The following SYT13 variants were observed in gnomAD, a reference collection of about 807,000 sequenced individuals.
SYT13 encodes the protein synaptotagmin-13.
In SYT13, 21 loss-of-function variants were observed where a neutral mutation model predicts 38.6. The observed-to-expected ratio is 0.54, with a 90% CI of 0.39 to 0.78. SYT13 has a LOEUF of 0.78. Ranked by LOEUF, SYT13 falls within the 30% of genes least tolerant of loss-of-function variation. The pLI, the probability that SYT13 is intolerant of heterozygous loss-of-function variation, is 0.00. For missense variants in SYT13, 495 were observed against 548.7 expected (o/e 0.90, Z 0.98); for synonymous variants, 241 against 237.6 (o/e 1.01, Z -0.13).
intron 1 of SYT13, among the ~76,000 whole-genome samples, chr11:45,262,111 C>A (rs1015830342): frequency 1.3e-5 from 2 of 152,066 alleles, no homozygotes; most frequent in African/African-American, 4.8e-5. Context: ...TGTGGTATAT[C>A]TATATAACGG....
intron 1 of SYT13, among the ~76,000 whole-genome samples, chr11:45,278,133 C>T (rs1312854350): frequency 1.3e-5 from 2 of 152,128 alleles, no homozygotes; most frequent in South Asian, 2.1e-4. Context: ...TTTGTGTGCA[C>T]GTGTGTTGAT....
chr11:45,276,125 C>T (rs180962572), intron 1 of SYT13, among the ~76,000 whole-genome samples: 27 of 152,262 alleles, frequency 1.8e-4, no homozygotes, highest in Middle Eastern at 3.4e-3. Flanking sequence ...TATAAAGACA[C>T]GTGTACATGT....
chr11:45,286,104 G>A lies in SYT13; in HGVS notation c.104C>T (p.Pro35Leu). Residue 35 changes from proline to leucine, a missense_variant, in exon 1 of 6, where the codon CCC becomes CTC. Physicochemically the swap from Pro to Leu is moderately conservative, Grantham distance 98. Transcript: ENST00000020926. The part of the protein sequence containing the change: ...GVTCLCRHMH[P>L]KKGLLPRDQD... ...GTCCCGCGGCAGCAGCCCCTTCTTGGGGTGCATGTGCCGACACAGGCAGGT... is the reference window on the plus strand; with the variant it reads ...GTCCCGCGGCAGCAGCCCCTTCTTGAGGTGCATGTGCCGACACAGGCAGGT... 6.2e-7 allele frequency: 1 copy of A among 1,604,790 alleles called. No homozygotes were observed. The highest frequency in any genetic ancestry group is 8.5e-7 in the Non-Finnish European group (1 of 1,177,602).
At chr11:45,265,238 C>T (rs528232197) in intron 1 of SYT13, among the ~76,000 whole-genome samples, 1 of 152,380 alleles carries the variant, frequency 6.6e-6, no homozygotes, top group African/African-American at 2.4e-5. Context: ...AGACAGCTGT[C>T]TACGCATACA....
Position 45,252,206 on chromosome 11 carries a change from C to T in SYT13, c.846+215G>A, listed in dbSNP as rs985906773. Among the ~76,000 whole-genome samples the T allele has an allele frequency of 6.6e-6, 1 of 152,132 alleles. No individual in the cohort carries two copies. ...GAGTCTTTGCATGGCAAGTTAGAGC[C>T]AAGACTAGGAGCAGACACTAGGAAT... On this transcript the variant is annotated intron_variant, in intron 4 of 5. Transcript: ENST00000020926. This position sits in a 1 kb window ranked among gnomAD's most constrained non-coding sequence, Gnocchi z 4.3.
At position 45,243,965 on chromosome 11, in the gene SYT13, G is replaced by C. The variant is rs1854583002; in HGVS notation, c.*87C>G. On this transcript the variant is annotated 3_prime_UTR_variant, in exon 6 of 6. Coordinates refer to ENST00000020926, the MANE Select transcript of SYT13 (RefSeq NM_020826.3). ...CAAACACATCTGTCACTGTCTTCTG[G>C]GTGTCAGAATGAGGAAAGGGGCACA... is the stretch of plus-strand genomic sequence containing the variant. The C allele has an allele frequency of 1.5e-6, 2 of 1,355,608 alleles. No individual in the cohort carries two copies. The highest frequency in any genetic ancestry group is 4.6e-5 in the East Asian group (2 of 43,040). 84.0% of individuals were successfully genotyped at this position (1,355,608 alleles called of 1,614,324 possible). A position where few individuals can be genotyped will look rare whatever the true frequency, so the allele number is the denominator to read the frequency against.
intron 4 of SYT13, among the ~76,000 whole-genome samples, chr11:45,250,305 A>C (rs1452148747): frequency 6.6e-6 from 1 of 152,238 alleles, no homozygotes; most frequent in African/African-American, 2.4e-5. Context: ...AGGATGGATG[A>C]GCTGCAAGGT....
At chr11:45,281,045 G>A (rs1255359749) in intron 1 of SYT13, among the ~76,000 whole-genome samples, 1 of 151,742 alleles carries the variant, frequency 6.6e-6, no homozygotes, top group Non-Finnish European at 1.5e-5. Context: ...AAATACAAAA[G>A]ATTAGCCGGG....
At chr11:45,285,089 T>C (rs941067286) in intron 1 of SYT13, among the ~76,000 whole-genome samples, 12 of 152,214 alleles carry the variant, frequency 7.9e-5, no homozygotes, top group Admixed American at 7.8e-4. Context: ...CTTTAAGTCA[T>C]GCCCCTGCCC....
chr11:45,259,821 C>T (rs939864412), intron 1 of SYT13, among the ~76,000 whole-genome samples: 12 of 152,172 alleles, frequency 7.9e-5, no homozygotes, highest in Admixed American at 7.9e-4. Flanking sequence ...GCGGGTGGCC[C>T]TGCCTTGTGA....
At chr11:45,272,544 C>G (rs1454432201) in intron 1 of SYT13, among the ~76,000 whole-genome samples, 1 of 152,184 alleles carries the variant, frequency 6.6e-6, no homozygotes, top group East Asian at 1.9e-4. Flanking sequence ...CAAAGCCAGT[C>G]AGTATCATCC....
chr11:45,257,873 T>C (rs1337188045), intron 1 of SYT13, among the ~76,000 whole-genome samples: 1 of 152,224 alleles, frequency 6.6e-6, no homozygotes, highest in Non-Finnish European at 1.5e-5. Context: ...TGCCCCTGCA[T>C]TTCCAAGTGT....
intron 1 of SYT13, chr11:45,258,313 TC>T (rs1679828294): frequency 6.6e-6 from 1 of 152,118 alleles, no homozygotes; most frequent in Non-Finnish European, 1.5e-5. Flanking sequence ...CAAAATCAGG[TC>T]CCCTTTGCAC....
At chr11:45,263,223 G>A (rs10742747) in intron 1 of SYT13, among the ~76,000 whole-genome samples, 112,681 of 152,132 alleles carry the variant, frequency 0.74, 43,658 homozygotes, top group Non-Finnish European at 0.87. Context: ...CAGGTCCTAT[G>A]CTAAGTGTTC....
intron 1 of SYT13, among the ~76,000 whole-genome samples, chr11:45,285,417 G>A (rs1267641043): frequency 2.0e-5 from 3 of 152,136 alleles, no homozygotes; most frequent in East Asian, 3.9e-4. Context: ...GCTGCTAGGG[G>A]GTGGGGAAGA....
At chr11:45,272,546 G>A (rs1402640435) in intron 1 of SYT13, among the ~76,000 whole-genome samples, 5 of 152,214 alleles carry the variant, frequency 3.3e-5, no homozygotes, top group Non-Finnish European at 7.3e-5. Context: ...AAGCCAGTCA[G>A]TATCATCCAT....
At chr11:45,265,822 C>T (rs1374484525) in intron 1 of SYT13, among the ~76,000 whole-genome samples, 2 of 152,076 alleles carry the variant, frequency 1.3e-5, no homozygotes, top group Admixed American at 1.3e-4. Flanking sequence ...AATTATCAAC[C>T]CAAAATGTCA....
intron 1 of SYT13, among the ~76,000 whole-genome samples, chr11:45,276,917 A>G (rs1196353847): frequency 6.6e-6 from 1 of 152,156 alleles, no homozygotes; most frequent in African/African-American, 2.4e-5. Flanking sequence ...ACTTGAAAGA[A>G]TTGAAAACAG....
intron 1 of SYT13, among the ~76,000 whole-genome samples, chr11:45,278,511 G>A (rs2135910660): frequency 6.6e-6 from 1 of 152,132 alleles, no homozygotes; most frequent in South Asian, 2.1e-4. Context: ...TGTCTTTCAG[G>A]TGTTTCCTTC....
Sources: gnomAD v4.1 joint callset for allele counts (sites outside exome capture counted in the v4.1 genomes callset) on GRCh38, gnomAD v4.1.1 for gene constraint, Gnocchi (gnomAD v3.1) non-coding constraint, MANE v1.5 for transcripts, NCBI Gene and HGNC (gene_info 2026-07-23, HGNC 2026-07-21) for gene names.